NUBPL: variants seen among roughly 807,000 people sequenced by gnomAD.
The protein encoded by NUBPL is NUBP iron-sulfur cluster assembly factor, mitochondrial.
A neutral mutation model predicts 45.7 loss-of-function variants in NUBPL; 31 were observed. The observed-to-expected ratio is 0.68, with a 90% CI of 0.51 to 0.92. The LOEUF (loss-of-function observed/expected upper bound fraction) is 0.92. Among genes scored for constraint, NUBPL ranks in the 40% least tolerant of loss-of-function variants. The pLI is 0.00. For missense variants in NUBPL, 401 were observed against 398.7 expected, an observed-to-expected ratio of 1.01 and a Z score of -0.05; for synonymous variants, 144 against 140.9, an observed-to-expected ratio of 1.02 and a Z score of -0.15.
intron 7 of NUBPL, among the ~76,000 whole-genome samples, chr14:31,799,736 G>A (rs902573088): frequency 2.6e-5 from 4 of 152,100 alleles, no homozygotes; most frequent in African/African-American, 9.7e-5. Context: ...CTTTTTGCTG[G>A]CAGAGTGTCT....
intron 8 of NUBPL, among the ~76,000 whole-genome samples, 156 bp downstream of exon 8, chr14:31,826,870 T>C (rs558741086): frequency 8.5e-4 from 129 of 152,218 alleles, no homozygotes; most frequent in Non-Finnish European, 1.4e-3. Flanking sequence ...AACACACTTA[T>C]AGGTACAAAC....
At chr14:31,706,532 G>A (rs2037456616) in intron 6 of NUBPL, among the ~76,000 whole-genome samples, 1 of 152,206 alleles carries the variant, frequency 6.6e-6, no homozygotes, top group African/African-American at 2.4e-5. Context: ...AGTTTGAAAG[G>A]CGTTGTCTGA....
At chr14:31,658,945 A>G (rs2036206189) in intron 4 of NUBPL, among the ~76,000 whole-genome samples, 1 of 152,222 alleles carries the variant, frequency 6.6e-6, no homozygotes, top group South Asian at 2.1e-4. Context: ...ATAAAGGCAT[A>G]AAAAGATAAA....
intron 3 of NUBPL, 29 bp downstream of exon 3, chr14:31,565,077 T>C: frequency 7.3e-7 from 1 of 1,369,782 alleles, no homozygotes; most frequent in Non-Finnish European, 1.0e-6. Flanking sequence ...AAATATTAAT[T>C]TATTAAAATG....
intron 4 of NUBPL, among the ~76,000 whole-genome samples, chr14:31,644,454 A>AT (rs1311634661): frequency 6.6e-6 from 1 of 151,702 alleles, no homozygotes; most frequent in African/African-American, 2.4e-5. Flanking sequence ...CTGTTTGTGT[A>AT]TTTTTTTGTG....
At chr14:31,743,720 T>C (rs555658527) in intron 6 of NUBPL, among the ~76,000 whole-genome samples, 4 of 152,306 alleles carry the variant, frequency 2.6e-5, no homozygotes, top group African/African-American at 7.2e-5. Flanking sequence ...CCCTAGACTT[T>C]CCTGGATGAG....
chr14:31,743,915 T>C (rs1012106232), intron 6 of NUBPL, among the ~76,000 whole-genome samples: 6 of 152,246 alleles, frequency 3.9e-5, no homozygotes, highest in Non-Finnish European at 7.3e-5. Context: ...AGCCCCGCTC[T>C]TCAAGTGGCT....
intron 4 of NUBPL, among the ~76,000 whole-genome samples, chr14:31,672,285 G>A (rs1441157937): frequency 6.6e-6 from 1 of 151,686 alleles, no homozygotes; most frequent in Non-Finnish European, 1.5e-5. Context: ...GTGTGTGTGT[G>A]TGTGTGTGTG....
At chr14:31,745,892 T>C (rs1009410522) in intron 6 of NUBPL, among the ~76,000 whole-genome samples, 2 of 151,954 alleles carry the variant, frequency 1.3e-5, no homozygotes, top group African/African-American at 4.9e-5. Context: ...TAAGTGTTTT[T>C]ACAAGGCCAC....
intron 7 of NUBPL, among the ~76,000 whole-genome samples, chr14:31,803,360 T>C (rs368113278): frequency 5.3e-5 from 8 of 152,238 alleles, no homozygotes; most frequent in African/African-American, 1.9e-4. Flanking sequence ...AGGCATCTAA[T>C]GCCAGTGTTT....
intron 6 of NUBPL, among the ~76,000 whole-genome samples, chr14:31,700,573 C>T (rs983811276): frequency 1.5e-4 from 23 of 152,068 alleles, no homozygotes; most frequent in African/African-American, 5.1e-4. Flanking sequence ...ACCGAGGTTG[C>T]ATGTGGCCCT....
rs527518654 is a variant in NUBPL at position 31,678,872 on chromosome 14, C to T, written c.513+5298C>T. On this transcript the variant is annotated intron_variant, in intron 6 of 10. Coordinates refer to ENST00000281081, the MANE Select transcript of NUBPL (RefSeq NM_025152.3). ...AGCTCTAGGACTCGCCTAGGAGCTG[C>T]AGTCCTTGTAGCCTAGACTCCCTTT... Among the ~76,000 whole-genome samples, 4 of 152,302 alleles carry T rather than the reference C, an allele frequency of 2.6e-5. 1 individual carries two copies. The Middle Eastern group carries it at 0.014, about 518-fold the overall frequency.
intron 6 of NUBPL, among the ~76,000 whole-genome samples, chr14:31,743,860 A>T (rs559764029): frequency 7.7e-4 from 117 of 152,316 alleles, no homozygotes; most frequent in African/African-American, 2.7e-3. Flanking sequence ...ATTCTGGAAA[A>T]TAGAAAATGT....
At chr14:31,856,507 A>G (rs1352366524) in intron 10 of NUBPL, among the ~76,000 whole-genome samples, 1 of 152,178 alleles carries the variant, frequency 6.6e-6, no homozygotes, top group Non-Finnish European at 1.5e-5. Flanking sequence ...TCATTTCAGC[A>G]TTAATTAAAA....
At chr14:31,810,826 C>G (rs975273626) in intron 7 of NUBPL, among the ~76,000 whole-genome samples, 1 of 152,150 alleles carries the variant, frequency 6.6e-6, no homozygotes, top group Non-Finnish European at 1.5e-5. Context: ...GTGACAAAAT[C>G]TCTCAGCATT....
chr14:31,783,760 C>T (rs1005804064), intron 6 of NUBPL, among the ~76,000 whole-genome samples: 7 of 152,132 alleles, frequency 4.6e-5, no homozygotes, highest in Admixed American at 3.3e-4. Flanking sequence ...TCAAGTGATA[C>T]GTGTGCCTTG....
intron 3 of NUBPL, 98 bp downstream of exon 3, chr14:31,565,146 T>A: frequency 1.4e-6 from 1 of 722,578 alleles, no homozygotes; most frequent in Non-Finnish European, 2.4e-6. Flanking sequence ...TCAGAAGCTA[T>A]AGTGTAGTTG....
intron 7 of NUBPL, among the ~76,000 whole-genome samples, chr14:31,821,372 G>C (rs879324627): frequency 3.3e-5 from 5 of 152,118 alleles, no homozygotes; most frequent in Non-Finnish European, 7.3e-5. Context: ...TTAAAAATTG[G>C]CAAAAGATCT....
At chr14:31,602,295 C>T (rs1444959324) in intron 4 of NUBPL, among the ~76,000 whole-genome samples, 5 of 151,110 alleles carry the variant, frequency 3.3e-5, no homozygotes, top group African/African-American at 1.2e-4. Flanking sequence ...TGCTAAATGA[C>T]AAGTCAATGG....
Sources: gnomAD v4.1 joint callset for allele counts (sites outside exome capture counted in the v4.1 genomes callset) on GRCh38, gnomAD v4.1.1 for gene constraint, MANE v1.5 for transcripts, NCBI Gene and HGNC (gene_info 2026-07-23, HGNC 2026-07-21) for gene names.